Variants in ROBO2 observed in about 807,000 individuals in gnomAD.
The protein encoded by ROBO2 is roundabout guidance receptor 2, also known as roundabout homolog 2.
ROBO2 carries 53 observed loss-of-function variants against 160.8 expected under a neutral mutation model. That is an observed-to-expected ratio of 0.33 (90% confidence interval 0.26 to 0.41). ROBO2 has a LOEUF of 0.41. Among genes scored for constraint, ROBO2 ranks in the 10% least tolerant of loss-of-function variants. The pLI is 1.00. For synonymous variants in ROBO2, 664 were observed against 611.7 expected (o/e 1.09, Z -1.26); for missense variants, 1,577 against 1,722.4 (o/e 0.92, Z 1.49).
intron 1 of ROBO2, among the ~76,000 whole-genome samples, chr3:75,921,735 A>G (rs1329369071): frequency 6.6e-6 from 1 of 152,190 alleles, no homozygotes; most frequent in East Asian, 1.9e-4. Flanking sequence ...AGGTAGCACC[A>G]CTACAGCAGA....
intron 2 of ROBO2, among the ~76,000 whole-genome samples, chr3:76,324,639 G>T (rs754954064): frequency 6.6e-6 from 1 of 152,100 alleles, no homozygotes; most frequent in Non-Finnish European, 1.5e-5. Context: ...ATTTTCAAAA[G>T]TACATGAAAA....
intron 2 of ROBO2, among the ~76,000 whole-genome samples, chr3:76,044,190 G>A (rs2067373138): frequency 6.6e-6 from 1 of 152,006 alleles, no homozygotes; most frequent in Non-Finnish European, 1.5e-5. Context: ...ACAGAAAATA[G>A]CAGCAAAGGA....
intron 23 of ROBO2, chr3:77,631,172 C>T (rs2095153989): frequency 6.6e-6 from 1 of 151,744 alleles, no homozygotes; most frequent in African/African-American, 2.4e-5. Context: ...CTTTTGGCAA[C>T]CAGAATCAAA....
intron 2 of ROBO2, among the ~76,000 whole-genome samples, chr3:76,784,746 C>T (rs1160248600): frequency 6.6e-6 from 1 of 151,050 alleles, no homozygotes; most frequent in Non-Finnish European, 1.5e-5. Context: ...GAATTGTGGC[C>T]AATTGTTGAG....
chr3:76,145,539 G>A lies in ROBO2; in HGVS notation c.109+207937G>A, dbSNP rs529603994. Among the ~76,000 whole-genome samples the A allele has an allele frequency of 2.0e-5, 3 of 152,036 alleles. No homozygotes were observed. The South Asian group carries it at 6.2e-4, about 31-fold the overall frequency. ...TTTATACAAAAATACGTAAATTAAT[G>A]TATGTAAAAGAGAAATTACTAGACT... is the stretch of plus-strand genomic sequence containing the variant. On this transcript the variant is annotated intron_variant, in intron 2 of 26. Coordinates refer to the ROBO2 transcript ENST00000487694.
intron 24 of ROBO2, among the ~76,000 whole-genome samples, chr3:77,643,421 T>A (rs1238706620): frequency 6.6e-6 from 1 of 152,218 alleles, no homozygotes; most frequent in African/African-American, 2.4e-5. Context: ...GATAAGGTTA[T>A]ACTGGGCTTG....
intron 2 of ROBO2, among the ~76,000 whole-genome samples, chr3:76,020,473 A>T (rs1422801904): frequency 6.6e-6 from 1 of 151,476 alleles, no homozygotes; most frequent in Non-Finnish European, 1.5e-5. Flanking sequence ...TTAAGTTTTT[A>T]TTTAAATTCT....
At chr3:77,410,428 A>T (rs919499930) in intron 2 of ROBO2, among the ~76,000 whole-genome samples, 3 of 151,972 alleles carry the variant, frequency 2.0e-5, no homozygotes, top group African/African-American at 7.3e-5. Context: ...TGCATTACAC[A>T]CAACAAAGTG....
intron 2 of ROBO2, among the ~76,000 whole-genome samples, chr3:76,431,036 T>C (rs2076414471): frequency 6.6e-6 from 1 of 152,086 alleles, no homozygotes; most frequent in Non-Finnish European, 1.5e-5. Flanking sequence ...AACTATGTTA[T>C]AAGGGGGTTT....
chr3:77,281,461 C>T (rs2060235109), intron 2 of ROBO2, among the ~76,000 whole-genome samples: 1 of 151,314 alleles, frequency 6.6e-6, no homozygotes, highest in African/African-American at 2.4e-5. Context: ...GAAGACTTCA[C>T]TTTGCACTAA....
chr3:76,159,099 C>G (rs574131980), intron 2 of ROBO2, among the ~76,000 whole-genome samples: 2 of 152,206 alleles, frequency 1.3e-5, no homozygotes, highest in East Asian at 3.9e-4. Flanking sequence ...AATGTCCCTC[C>G]TAGCTTGCAT....
chr3:77,596,135 A>G (rs1313754406), intron 18 of ROBO2, among the ~76,000 whole-genome samples: 1 of 152,186 alleles, frequency 6.6e-6, no homozygotes, highest in Non-Finnish European at 1.5e-5. Flanking sequence ...AGCAGTATAA[A>G]TACTGTTCAT....
intron 2 of ROBO2, among the ~76,000 whole-genome samples, chr3:76,063,634 C>G (rs1255832235): frequency 6.6e-6 from 1 of 152,088 alleles, no homozygotes; most frequent in Non-Finnish European, 1.5e-5. Flanking sequence ...GCATAAGCCA[C>G]TGTACCCAGC....
At position 77,370,050 on chromosome 3, in the gene ROBO2, T is replaced by A. The variant is rs534793274; in HGVS notation, c.389-107364T>A. ...AAGTCAGATTTAGAAGACCAGGCTG[T>A]TTTCCAGAAAGCTGTAATGCTCTGA... is the stretch of plus-strand genomic sequence containing the variant. On this transcript the variant is annotated intron_variant, in intron 2 of 25. Transcript: ENST00000461745. Among the ~76,000 whole-genome samples, 15 of 152,320 alleles carry A rather than the reference T, an allele frequency of 9.8e-5. 1 individual carries two copies. Among genetic ancestry groups the A allele is most frequent in the African/African-American group, 3.4e-4 (14 of 41,584 alleles).
At position 76,199,777 on chromosome 3, in the gene ROBO2, C is replaced by T. The variant is rs538733779; in HGVS notation, c.109+262175C>T. On this transcript the variant is annotated intron_variant, in intron 2 of 26. Transcript: ENST00000487694. ...AGAAAGCCAAATATGCGTCTCAACT[C>T]GAACAGATAAAATGCCCCACTTCGA... 5.9e-5 allele frequency among the ~76,000 whole-genome samples: 9 copies of T among 152,236 alleles called. No individual in the cohort carries two copies. In the East Asian group the frequency reaches 1.2e-3, roughly 20 times the overall value.
chr3:76,513,841 C>T (rs73119812), intron 2 of ROBO2, among the ~76,000 whole-genome samples: 12,780 of 152,008 alleles, frequency 0.084, 667 homozygotes, highest in Middle Eastern at 0.12. Context: ...AAAAGTGAAA[C>T]GATGAGCAAA....
intron 2 of ROBO2, among the ~76,000 whole-genome samples, chr3:77,224,291 T>C (rs1279751200): frequency 1.3e-5 from 2 of 152,000 alleles, no homozygotes; most frequent in Non-Finnish European, 2.9e-5. Context: ...GCATTGAACA[T>C]AGTTTTTCAC....
intron 2 of ROBO2, among the ~76,000 whole-genome samples, chr3:76,671,129 A>G (rs17801865): frequency 0.12 from 18,582 of 152,192 alleles, 1,518 homozygotes; most frequent in Non-Finnish European, 0.17. Flanking sequence ...TGTCTTCTCT[A>G]AATAGTCATG....
chr3:76,495,925 A>G (rs1248178341), intron 2 of ROBO2, among the ~76,000 whole-genome samples: 1 of 152,144 alleles, frequency 6.6e-6, no homozygotes, highest in African/African-American at 2.4e-5. Context: ...ATGTATGCCT[A>G]TTAATATTTT....
Sources: gnomAD v4.1 joint callset for allele counts (sites outside exome capture counted in the v4.1 genomes callset) on GRCh38, gnomAD v4.1.1 for gene constraint, MANE v1.5 for transcripts, NCBI Gene and HGNC (gene_info 2026-07-23, HGNC 2026-07-21) for gene names.